Variants in MAP3K5 observed in about 807,000 individuals in gnomAD.
MAP3K5 encodes the protein mitogen-activated protein kinase kinase kinase 5.
A neutral mutation model predicts 158.7 loss-of-function variants in MAP3K5; 56 were observed. The observed-to-expected ratio is 0.35, with a 90% CI of 0.28 to 0.44. The LOEUF (loss-of-function observed/expected upper bound fraction) is 0.44. MAP3K5 is among the 20% of genes least tolerant of loss of function. The pLI is 1.00. For synonymous variants in MAP3K5, 579 were observed against 601.7 expected (o/e 0.96, Z 0.55); for missense variants, 1,294 against 1,674.8 (o/e 0.77, Z 3.97).
In MAP3K5 at chr6:136,792,164, G is replaced by C. The variant is rs772341365; in HGVS notation, c.-7C>G. On this transcript the variant is annotated 5_prime_UTR_variant, in exon 1 of 30. Transcript: ENST00000359015. This position sits in a 1 kb window ranked among gnomAD's most constrained non-coding sequence, Gnocchi z 5.7. ...CGTCCGCCTCCGTGCTCATCTCTCCGGGCCGGGCAGCAACGGCGGCGGCGT... is the reference window on the plus strand; with the variant it reads ...CGTCCGCCTCCGTGCTCATCTCTCCCGGCCGGGCAGCAACGGCGGCGGCGT... 1.9e-6 allele frequency: 3 copies of C among 1,545,526 alleles called. No individual in the cohort carries two copies. In the Admixed American group the frequency reaches 5.9e-5, roughly 30 times the overall value.
intron 14 of MAP3K5, among the ~76,000 whole-genome samples, chr6:136,631,433 G>T (rs932441032): frequency 6.6e-6 from 1 of 151,992 alleles, no homozygotes; most frequent in Non-Finnish European, 1.5e-5. Flanking sequence ...GGTATATGAG[G>T]CCAATCATCA....
intron 1 of MAP3K5, among the ~76,000 whole-genome samples, chr6:136,737,496 A>T (rs1160212128): frequency 6.6e-6 from 1 of 152,198 alleles, no homozygotes; most frequent in Admixed American, 6.5e-5. Flanking sequence ...AATAGAGACA[A>T]CAGACCAGAA....
Position 136,613,011 on chromosome 6 carries a change from A to T in MAP3K5, c.2415+109T>A. ...TATATTTCTGCTGTTTCTAAGATTTACTTATTCACCATTCTAAATTAATAC... is the reference window on the plus strand; with the variant it reads ...TATATTTCTGCTGTTTCTAAGATTTTCTTATTCACCATTCTAAATTAATAC... On this transcript the variant is annotated intron_variant, in intron 17 of 29. Transcript: ENST00000359015. The surrounding 1 kb of genome is among the most constrained non-coding windows in gnomAD (Gnocchi z 4.0). 9.7e-7 allele frequency: 1 copy of T among 1,025,984 alleles called. No homozygotes were observed. The highest frequency in any genetic ancestry group is 1.4e-6 in the Non-Finnish European group (1 of 720,528). 63.6% of individuals were successfully genotyped at this position (1,025,984 alleles called of 1,614,324 possible). A position where few individuals can be genotyped will look rare whatever the true frequency, so the allele number is the denominator to read the frequency against.
chr6:136,696,323 C>A (rs1442106522), intron 5 of MAP3K5, among the ~76,000 whole-genome samples: 1 of 152,200 alleles, frequency 6.6e-6, no homozygotes, highest in African/African-American at 2.4e-5. Flanking sequence ...AAACACCAAG[C>A]ATGATAGTGC....
chr6:136,661,568 G>GT (rs942883932), intron 8 of MAP3K5, among the ~76,000 whole-genome samples: 16 of 150,360 alleles, frequency 1.1e-4, no homozygotes, highest in Middle Eastern at 3.4e-3. Flanking sequence ...GCTAAATTTT[G>GT]TTTTTTTTTC....
chr6:136,673,414 C>T (rs1053422757), intron 7 of MAP3K5, among the ~76,000 whole-genome samples: 1 of 152,078 alleles, frequency 6.6e-6, no homozygotes, highest in African/African-American at 2.4e-5. Context: ...CAAACACACA[C>T]AAAAGCTGAC....
chr6:136,637,382 A>G lies in MAP3K5; in HGVS notation c.1959T>C (p.Ile653=), dbSNP rs1562567588. The change falls in exon 14 of 30, where the codon ATT becomes ATC. Residue 653 remains isoleucine (I), a synonymous_variant. Coordinates refer to ENST00000359015, the MANE Select transcript of MAP3K5 (RefSeq NM_005923.4). ...CTGTGCTTCTCCCCTTCTCTTCGGTAATGGTGTTCACCATCTCAAAAAACC... is the reference window on the plus strand; with the variant it reads ...CTGTGCTTCTCCCCTTCTCTTCGGTGATGGTGTTCACCATCTCAAAAAACC... ...CKKFFEMVNT[I]TEEKGRSTEE... The G allele has an allele frequency of 6.2e-7, 1 of 1,609,830 alleles. No individual in the cohort carries two copies. The highest frequency in any genetic ancestry group is 8.5e-7 in the Non-Finnish European group (1 of 1,176,200).
chr6:136,691,355 A>C lies in MAP3K5; in HGVS notation c.1253+2785T>G, dbSNP rs190237926. Among the ~76,000 whole-genome samples the C allele has an allele frequency of 2.8e-3, 428 of 152,294 alleles. 1 individual carries two copies. Among genetic ancestry groups the C allele is most frequent in the African/African-American group, 9.5e-3 (395 of 41,568 alleles). On this transcript the variant is annotated intron_variant, in intron 7 of 29. Transcript: ENST00000359015. ...GCTGGGCACGGTGGCTCACACCTGT[A>C]ATCCCAGCACTTCAGGAGGCCGAGG... is the stretch of plus-strand genomic sequence containing the variant.
chr6:136,595,272 C>G (rs1352141602), intron 21 of MAP3K5, among the ~76,000 whole-genome samples: 1 of 152,162 alleles, frequency 6.6e-6, no homozygotes, highest in Non-Finnish European at 1.5e-5. Flanking sequence ...CATGTGCCAC[C>G]ACCCCTGGCT....
intron 11 of MAP3K5, among the ~76,000 whole-genome samples, chr6:136,643,931 T>C (rs961980327): frequency 3.3e-5 from 5 of 152,150 alleles, no homozygotes; most frequent in Admixed American, 2.0e-4. Context: ...ACCCAGGAGC[T>C]GCAGCTGTTA....
rs61451347 is a variant in MAP3K5 at position 136,582,263 on chromosome 6, CGTGTGTGTGTGTGTGTGT to C, written c.3411+1274_3411+1291del. Among the ~76,000 whole-genome samples, 136 of 138,128 alleles carry C rather than the reference CGTGTGTGTGTGTGTGTGT, an allele frequency of 9.8e-4. No individual in the cohort carries two copies. In the East Asian group the frequency reaches 0.015, roughly 15 times the overall value. The allele number at this position is 138,128 out of a possible 152,430, so 90.6% of individuals were successfully genotyped here. A position where few individuals can be genotyped will look rare whatever the true frequency, so the allele number is the denominator to read the frequency against. On this transcript the variant is annotated intron_variant, in intron 24 of 29. Transcript: ENST00000359015. The stretch of plus-strand genomic sequence containing the variant: ...GTGTATGTGTACACGTGTGTGTATA[CGTGTGTGTGTGTGTGTGT>C]GTGTGTGTGTGTGTGTGTGTGTGTG...
chr6:136,567,593 A>C, intron 26 of MAP3K5, 38 bp downstream of exon 26: 14 of 1,566,266 alleles, frequency 8.9e-6, no homozygotes, highest in Non-Finnish European at 1.2e-5. Context: ...AGTAAAAGTA[A>C]AAGAAAAGAA....
chr6:136,666,993 T>C (rs972838844), intron 8 of MAP3K5, among the ~76,000 whole-genome samples: 15 of 152,224 alleles, frequency 9.9e-5, no homozygotes, highest in Non-Finnish European at 1.5e-5. Flanking sequence ...TTCTTTTACA[T>C]ATTAATCACA....
intron 1 of MAP3K5, among the ~76,000 whole-genome samples, chr6:136,771,284 A>G (rs764618974): frequency 1.6e-4 from 24 of 152,168 alleles, no homozygotes; most frequent in Non-Finnish European, 3.2e-4. Context: ...TATTATTATC[A>G]TTATTATTGC....
At chr6:136,783,534 T>C (rs1473267845) in intron 1 of MAP3K5, among the ~76,000 whole-genome samples, 1 of 152,174 alleles carries the variant, frequency 6.6e-6, no homozygotes, top group Non-Finnish European at 1.5e-5. Context: ...TCCCAGTTTC[T>C]TCTGATAACC....
chr6:136,622,161 GTC>G (rs1776835515), intron 15 of MAP3K5, among the ~76,000 whole-genome samples: 1 of 151,696 alleles, frequency 6.6e-6, no homozygotes, highest in Admixed American at 6.6e-5. Flanking sequence ...CTTATTTCAA[GTC>G]TCTCTGAGGA....
intron 1 of MAP3K5, among the ~76,000 whole-genome samples, chr6:136,764,598 A>G (rs911700481): frequency 2.6e-5 from 4 of 152,164 alleles, no homozygotes; most frequent in African/African-American, 9.7e-5. Flanking sequence ...CACTCAACCC[A>G]CTAAATTGTG....
At chr6:136,655,206 T>C (rs1403276094) in intron 10 of MAP3K5, among the ~76,000 whole-genome samples, 5 of 152,210 alleles carry the variant, frequency 3.3e-5, no homozygotes, top group African/African-American at 4.8e-5. Context: ...ATCAAGTCAA[T>C]AGTCAATTAA....
At chr6:136,759,181 T>G (rs182507893) in intron 1 of MAP3K5, among the ~76,000 whole-genome samples, 32 of 151,946 alleles carry the variant, frequency 2.1e-4, no homozygotes, top group Middle Eastern at 3.4e-3. Flanking sequence ...AAAAATAAAA[T>G]AAAAGAATAG....
Sources: gnomAD v4.1 joint callset for allele counts (sites outside exome capture counted in the v4.1 genomes callset) on GRCh38, gnomAD v4.1.1 for gene constraint, Gnocchi (gnomAD v3.1) non-coding constraint, MANE v1.5 for transcripts, NCBI Gene and HGNC (gene_info 2026-07-23, HGNC 2026-07-21) for gene names.